IQCK: variants seen among roughly 807,000 people sequenced by gnomAD.
IQCK encodes the protein IQ domain-containing protein K.
IQCK carries 29 observed loss-of-function variants against 28.1 expected under a neutral mutation model. The ratio of observed to expected loss-of-function variants is 1.03; its 90% CI spans 0.77 to 1.41. The LOEUF (loss-of-function observed/expected upper bound fraction) is 1.41, where lower values mean the gene tolerates loss of function less well. Among genes scored for constraint, IQCK ranks in the 40% most tolerant of loss-of-function variants. The probability of loss-of-function intolerance (pLI) is 0.00; values close to 1 mark genes in which losing one functional copy is unlikely to be tolerated. For missense variants in IQCK, 359 were observed against 314.7 expected, an observed-to-expected ratio of 1.14 and a Z score of -1.07; for synonymous variants, 113 against 115.1, an observed-to-expected ratio of 0.98 and a Z score of 0.12.
intron 1 of IQCK, among the ~76,000 whole-genome samples, chr16:19,726,913 CA>C (rs1225319416): frequency 2.0e-5 from 3 of 152,052 alleles, no homozygotes; most frequent in African/African-American, 4.8e-5. Flanking sequence ...GTGGGCAGAT[CA>C]CTTGAGATCA....
Position 19,734,618 on chromosome 16 carries a change from G to GA in IQCK, c.377-722dup, listed in dbSNP as rs879787295. On this transcript the variant is annotated intron_variant, in intron 3 of 7. Coordinates refer to ENST00000564186, the Ensembl canonical transcript of IQCK. Reference sequence around the variant, plus strand: ...CGTTCCAGCCTGGGTGACAGAGCGAGAAAAAAAAAAAAATTAGCTGGGTGT... The same window carrying GA: ...CGTTCCAGCCTGGGTGACAGAGCGAGAAAAAAAAAAAAAATTAGCTGGGTGT... Among the ~76,000 whole-genome samples the GA allele has an allele frequency of 1.3e-3, 179 of 142,658 alleles. 1 individual carries two copies. The highest frequency in any genetic ancestry group is 6.9e-4 in the Non-Finnish European group (45 of 64,932). 93.6% of individuals were successfully genotyped at this position (142,658 alleles called of 152,430 possible).
In IQCK at chr16:19,853,299, C is replaced by T. The variant is rs564472920; in HGVS notation, c.803-3188C>T. On this transcript the variant is annotated intron_variant, in intron 9 of 9. Coordinates refer to the IQCK transcript ENST00000320394. ...CACCTTGATTTCCAGCCCGTCAACT[C>T]GAGATAACACCTCTCGGTCCTCCCC... is the stretch of plus-strand genomic sequence containing the variant. 3.9e-5 allele frequency among the ~76,000 whole-genome samples: 6 copies of T among 152,252 alleles called. No individual in the cohort carries two copies. In the South Asian group the frequency reaches 1.2e-3, roughly 32 times the overall value.
At chr16:19,833,750 A>T (rs1453931310) in intron 9 of IQCK, among the ~76,000 whole-genome samples, 2 of 152,288 alleles carry the variant, frequency 1.3e-5, no homozygotes, top group Non-Finnish European at 1.5e-5. Flanking sequence ...TGTGGTTTAA[A>T]GGCTATTCTT....
rs117288495 is a variant in IQCK, at chr16:19,805,584, A to G, written c.690+16662A>G. On this transcript the variant is annotated intron_variant, in intron 7 of 7. Transcript: ENST00000564186. ...TAAATGCATAGTAACATAATGTCAA[A>G]GAGTGTGTCAGTTAGCTATTGTCAC... is the stretch of plus-strand genomic sequence containing the variant. Among the ~76,000 whole-genome samples the G allele has an allele frequency of 1.6e-4, 25 of 152,342 alleles. No individual in the cohort carries two copies. In the East Asian group the frequency reaches 4.8e-3, roughly 29 times the overall value.
chr16:19,850,272 C>T (rs887505363), intron 9 of IQCK, among the ~76,000 whole-genome samples: 2 of 152,124 alleles, frequency 1.3e-5, no homozygotes, highest in African/African-American at 4.8e-5. Flanking sequence ...GTTTTAAGAG[C>T]AGCAGCAGCC....
intron 6 of IQCK, among the ~76,000 whole-genome samples, chr16:19,781,589 T>C (rs957451843): frequency 6.6e-6 from 1 of 152,234 alleles, no homozygotes; most frequent in Admixed American, 6.5e-5. Flanking sequence ...ATTGAAAGAA[T>C]CCTATGAGAT....
chr16:19,821,219 G>A (rs957141470), intron 7 of IQCK, among the ~76,000 whole-genome samples: 1 of 152,010 alleles, frequency 6.6e-6, no homozygotes, highest in South Asian at 2.1e-4. Context: ...AAATTTAAAT[G>A]TAAAATTAAA....
intron 9 of IQCK, among the ~76,000 whole-genome samples, chr16:19,854,701 C>T (rs2056532488): frequency 6.6e-6 from 1 of 152,218 alleles, no homozygotes; most frequent in South Asian, 2.1e-4. Flanking sequence ...GTTACGTTGT[C>T]AGGCTGCTGG....
At chr16:19,738,396 T>G (rs1291688467) in intron 4 of IQCK, among the ~76,000 whole-genome samples, 1 of 152,096 alleles carries the variant, frequency 6.6e-6, no homozygotes, top group African/African-American at 2.4e-5. Flanking sequence ...GAGGGGCAAA[T>G]GACACAGTCT....
intron 4 of IQCK, among the ~76,000 whole-genome samples, chr16:19,760,887 G>C (rs2055128952): frequency 6.6e-6 from 1 of 152,136 alleles, no homozygotes; most frequent in Non-Finnish European, 1.5e-5. Flanking sequence ...GCTAAGCAAG[G>C]GGTGGATTAT....
chr16:19,851,741 G>A (rs996452853), intron 9 of IQCK, among the ~76,000 whole-genome samples: 2 of 152,314 alleles, frequency 1.3e-5, no homozygotes, highest in Non-Finnish European at 2.9e-5. Flanking sequence ...CAGCATAGGG[G>A]TGCCGAGGCA....
intron 9 of IQCK, among the ~76,000 whole-genome samples, chr16:19,851,883 C>CGCTGA (rs2056488401): frequency 2.0e-5 from 3 of 152,162 alleles, no homozygotes; most frequent in Admixed American, 2.0e-4. Flanking sequence ...TTCCTCCCTC[C>CGCTGA]GCTGATCAAG....
chr16:19,832,406 A>G (rs967603175), intron 9 of IQCK, among the ~76,000 whole-genome samples: 2 of 152,168 alleles, frequency 1.3e-5, no homozygotes, highest in Non-Finnish European at 2.9e-5. Flanking sequence ...TGTCAAAGGA[A>G]ATGAATTGTC....
At chr16:19,842,420 G>A (rs2056372083) in intron 9 of IQCK, among the ~76,000 whole-genome samples, 1 of 152,180 alleles carries the variant, frequency 6.6e-6, no homozygotes, top group South Asian at 2.1e-4. Context: ...TGGTTCCCAT[G>A]GTTTTAGATT....
chr16:19,738,408 AC>A (rs921040101), intron 4 of IQCK, among the ~76,000 whole-genome samples: 99 of 150,990 alleles, frequency 6.6e-4, no homozygotes, highest in Non-Finnish European at 3.7e-4. Flanking sequence ...ACACAGTCTG[AC>A]CCCCCCCACC....
chr16:19,744,252 TTTCTC>T (rs906509768), intron 4 of IQCK, among the ~76,000 whole-genome samples: 16 of 152,344 alleles, frequency 1.1e-4, no homozygotes, highest in South Asian at 2.1e-4. Flanking sequence ...TTTTTCTTCT[TTTCTC>T]TAAGCACACA....
intron 4 of IQCK, among the ~76,000 whole-genome samples, chr16:19,763,179 G>A (rs2055175117): frequency 6.6e-6 from 1 of 151,954 alleles, no homozygotes; most frequent in Admixed American, 6.6e-5. Context: ...TGACTTACCA[G>A]TAACACAAAT....
intron 4 of IQCK, among the ~76,000 whole-genome samples, chr16:19,751,827 CAA>C (rs1391327847): frequency 3.3e-5 from 5 of 152,082 alleles, no homozygotes; most frequent in African/African-American, 4.8e-5. Context: ...AGAGTTTGTA[CAA>C]AGACTTGCCT....
At chr16:19,755,525 TAGG>T (rs1436493544) in intron 4 of IQCK, among the ~76,000 whole-genome samples, 3 of 151,930 alleles carry the variant, frequency 2.0e-5, no homozygotes, top group African/African-American at 7.3e-5. Context: ...GAGAATCAAT[TAGG>T]AGAGAACAGC....
Sources: gnomAD v4.1 joint callset for allele counts (sites outside exome capture counted in the v4.1 genomes callset) on GRCh38, gnomAD v4.1.1 for gene constraint, MANE v1.5 for transcripts, NCBI Gene and HGNC (gene_info 2026-07-23, HGNC 2026-07-21) for gene names.